The following PAX2 variants were observed in gnomAD, a reference collection of about 807,000 sequenced individuals.
PAX2 encodes paired box 2.
A neutral mutation model predicts 41.7 loss-of-function variants in PAX2; 9 were observed. The ratio of observed to expected loss-of-function variants is 0.22; its 90% CI spans 0.13 to 0.38. The LOEUF (loss-of-function observed/expected upper bound fraction) is 0.38, where lower values mean the gene tolerates loss of function less well. Ranked by LOEUF, PAX2 falls within the 10% of genes least tolerant of loss-of-function variation. The pLI is 1.00. For missense variants in PAX2, 418 were observed against 531.6 expected (o/e 0.79, Z 2.10); for synonymous variants, 221 against 212.7 (o/e 1.04, Z -0.34).
chr10:100,804,771 T>G (rs1211566551), intron 5 of PAX2, among the ~76,000 whole-genome samples: 2 of 152,138 alleles, frequency 1.3e-5, no homozygotes, highest in African/African-American at 2.4e-5. Flanking sequence ...AAAAATAAAT[T>G]TACCACACTT....
intron 2 of PAX2, 54 bp downstream of exon 2, chr10:100,749,968 C>T (rs1845373856): frequency 1.9e-6 from 3 of 1,583,388 alleles, no homozygotes; most frequent in South Asian, 1.1e-5. Context: ...CCCGGCCAGC[C>T]CTGGGTCTCC....
intron 3 of PAX2, among the ~76,000 whole-genome samples, chr10:100,752,567 C>T (rs948123394): frequency 6.6e-6 from 1 of 152,178 alleles, no homozygotes. Context: ...CCAAGAGTGG[C>T]CCTGCTGTGT....
chr10:100,829,793 C>A lies in PAX2; in HGVS notation c.*2174C>A. On this transcript the variant is annotated 3_prime_UTR_variant, in exon 10 of 10. Coordinates refer to ENST00000355243, the MANE Select transcript of PAX2 (RefSeq NM_000278.5). ...GGCTGGCCGGGCAGAGACCCCGGAC[C>A]CAGGCCCAGGCCTAACCTGCTAAAT... 4.9e-6 allele frequency: 1 copy of A among 203,918 alleles called. No individual in the cohort carries two copies. The highest frequency in any genetic ancestry group is 1.0e-5 in the Non-Finnish European group (1 of 99,106). 12.6% of individuals were successfully genotyped at this position (203,918 alleles called of 1,614,324 possible).
At chr10:100,737,759 GC>G (rs1055493249) in intron 1 of PAX2, among the ~76,000 whole-genome samples, 2 of 152,202 alleles carry the variant, frequency 1.3e-5, no homozygotes, top group African/African-American at 4.8e-5. Context: ...CCCCTAGACG[GC>G]CCCGAGCCCT....
At chr10:100,816,499 G>C (rs1037687286) in intron 7 of PAX2, among the ~76,000 whole-genome samples, 1 of 152,230 alleles carries the variant, frequency 6.6e-6, no homozygotes, top group South Asian at 2.1e-4. Flanking sequence ...AAAGACTGCT[G>C]TCCCAATGAA....
At chr10:100,800,699 G>A (rs1847531217) in intron 5 of PAX2, among the ~76,000 whole-genome samples, 1 of 152,182 alleles carries the variant, frequency 6.6e-6, no homozygotes, top group African/African-American at 2.4e-5. Context: ...AAGCTGCTGA[G>A]AACCCACTGG....
At chr10:100,776,696 A>G (rs1846399495) in intron 3 of PAX2, among the ~76,000 whole-genome samples, 1 of 152,152 alleles carries the variant, frequency 6.6e-6, no homozygotes, top group Admixed American at 6.5e-5. Context: ...CTGCACATCT[A>G]GGACCAACAT....
chr10:100,820,197 CTTTG>C (rs1478772080), intron 7 of PAX2, among the ~76,000 whole-genome samples: 1 of 152,188 alleles, frequency 6.6e-6, no homozygotes, highest in Non-Finnish European at 1.5e-5. Context: ...CGATATGAGA[CTTTG>C]TTTGTCAGAT....
At position 100,827,178 on chromosome 10, in the gene PAX2, C is replaced by A; in HGVS notation, c.1108+83C>A. The A allele has an allele frequency of 8.7e-7, 1 of 1,151,552 alleles. No homozygotes were observed. The highest frequency in any genetic ancestry group is 1.2e-5 in the South Asian group (1 of 80,708). The allele number at this position is 1,151,552 out of a possible 1,614,324, so 71.3% of individuals were successfully genotyped here. On this transcript the variant is annotated intron_variant, in intron 9 of 9. Coordinates refer to ENST00000355243, the MANE Select transcript of PAX2 (RefSeq NM_000278.5). This position sits in a 1 kb window ranked among gnomAD's most constrained non-coding sequence, Gnocchi z 8.5. ...GGTCCCACTCCCGGCGACCCGACCT[C>A]TGGGGACCCGGCCGGGCCAGGGGGA...
At chr10:100,811,349 T>G (rs1055637335) in intron 7 of PAX2, among the ~76,000 whole-genome samples, 2 of 152,244 alleles carry the variant, frequency 1.3e-5, no homozygotes, top group South Asian at 2.1e-4. Context: ...GATGAATGAT[T>G]TATGATGTGT....
upstream of PAX2, among the ~76,000 whole-genome samples, chr10:100,743,896 G>A (rs958149698): frequency 2.0e-5 from 3 of 152,242 alleles, no homozygotes; most frequent in African/African-American, 7.2e-5. Context: ...GGGGCAGGCG[G>A]TGAGGAGTGT....
chr10:100,736,364 C>A (rs2133807073), intron 1 of PAX2, among the ~76,000 whole-genome samples: 1 of 152,230 alleles, frequency 6.6e-6, no homozygotes, highest in South Asian at 2.1e-4. Context: ...TTTCTTCCTT[C>A]CTTCGCTTGT....
At chr10:100,762,878 T>A (rs1437494523) in intron 3 of PAX2, among the ~76,000 whole-genome samples, 1 of 152,228 alleles carries the variant, frequency 6.6e-6, no homozygotes, top group Non-Finnish European at 1.5e-5. Flanking sequence ...GGTGGATTGG[T>A]CGCACCATGG....
At chr10:100,801,253 G>T (rs1174603475) in intron 5 of PAX2, among the ~76,000 whole-genome samples, 1 of 152,128 alleles carries the variant, frequency 6.6e-6, no homozygotes, top group Admixed American at 6.5e-5. Flanking sequence ...CAGTAAAAAG[G>T]GATTAAAATC....
chr10:100,743,059 T>A (rs1845026799), upstream of PAX2, among the ~76,000 whole-genome samples: 1 of 151,722 alleles, frequency 6.6e-6, no homozygotes, highest in Admixed American at 6.6e-5. Flanking sequence ...CATTACTCTT[T>A]GACTCTCTAG....
chr10:100,748,082 A>C lies in PAX2; in HGVS notation c.44-1664A>C, dbSNP rs1845269061. 6 of 984,726 alleles carry C rather than the reference A, an allele frequency of 6.1e-6. No individual in the cohort carries two copies. The South Asian group carries it at 1.9e-4, about 31-fold the overall frequency. The allele number at this position is 984,726 out of a possible 1,614,324, so 61.0% of individuals were successfully genotyped here. On this transcript the variant is annotated intron_variant, in intron 1 of 9. Transcript: ENST00000355243. This position sits in a 1 kb window ranked among gnomAD's most constrained non-coding sequence, Gnocchi z 5.0. ...CCGTGGCGCATTCCAGGCCCGACTC[A>C]GCGCCGACTCGCTGCAGTCCCCCAG...
intron 7 of PAX2, among the ~76,000 whole-genome samples, chr10:100,822,111 A>C (rs879579449): frequency 6.6e-6 from 1 of 152,134 alleles, no homozygotes; most frequent in East Asian, 1.9e-4. Flanking sequence ...AGCAAACACA[A>C]ATCCTTTATT....
At chr10:100,761,132 C>CCT (rs1246115980) in intron 3 of PAX2, among the ~76,000 whole-genome samples, 7 of 151,792 alleles carry the variant, frequency 4.6e-5, no homozygotes, top group Non-Finnish European at 7.4e-5. Flanking sequence ...CACAGATATG[C>CCT]CTCGCTAAGT....
intron 5 of PAX2, among the ~76,000 whole-genome samples, chr10:100,794,832 G>T (rs1847264541): frequency 6.7e-6 from 1 of 150,088 alleles, no homozygotes; most frequent in South Asian, 2.2e-4. Flanking sequence ...ATCAAGCCAG[G>T]TCTACCCCAT....
Sources: allele counts gnomAD v4.1 joint callset (sites outside exome capture counted in the v4.1 genomes callset), GRCh38; gene constraint gnomAD v4.1.1; non-coding constraint Gnocchi (gnomAD v3.1); transcripts MANE v1.5; gene names NCBI Gene and HGNC (gene_info 2026-07-23, HGNC 2026-07-21).